Variants in CNST observed in about 807,000 individuals in gnomAD.
CNST encodes the protein consortin.
CNST carries 39 observed loss-of-function variants against 72.4 expected under a neutral mutation model. That is an observed-to-expected ratio of 0.54 (90% CI 0.42 to 0.70). The LOEUF (loss-of-function observed/expected upper bound fraction) is 0.70. CNST is among the 30% of genes least tolerant of loss of function. CNST has a pLI of 0.00. For synonymous variants in CNST, 332 were observed against 320.1 expected, an observed-to-expected ratio of 1.04 and a Z score of -0.40; for missense variants, 871 against 868.5, an observed-to-expected ratio of 1.00 and a Z score of -0.04.
rs528853229 is a variant in CNST, at chr1:246,577,473, G to A, written c.-52+10810G>A. Among the ~76,000 whole-genome samples the A allele has an allele frequency of 5.8e-4, 88 of 152,130 alleles. 1 individual carries two copies. The highest frequency in any genetic ancestry group is 4.7e-4 in the Non-Finnish European group (32 of 68,020). ...TCTTCACTTGTGCTTGGAATTTGAG[G>A]TTACTCTACTGTTGTTCAGACTTTA... On this transcript the variant is annotated intron_variant, in intron 1 of 10. Coordinates refer to ENST00000366513, the MANE Select transcript of CNST (RefSeq NM_152609.3).
At chr1:246,566,777 C>T (rs577563358) in intron 1 of CNST, 114 bp downstream of exon 1, 55 of 398,508 alleles carry the variant, frequency 1.4e-4, no homozygotes, top group East Asian at 1.3e-3. Context: ...GCCGCGCAGC[C>T]TCTGCCCTCC....
chr1:246,619,154 G>GA (rs397983629), intron 2 of CNST, among the ~76,000 whole-genome samples: 50,224 of 145,102 alleles, frequency 0.35, 8,661 homozygotes, highest in South Asian at 0.57. Flanking sequence ...AGAGAAAAGG[G>GA]AAAAAAAAAA....
At chr1:246,593,106 G>GT (rs918279023) in intron 2 of CNST, among the ~76,000 whole-genome samples, 7 of 151,904 alleles carry the variant, frequency 4.6e-5, no homozygotes, top group Non-Finnish European at 8.8e-5. Context: ...TGTCTATATC[G>GT]TATTTTTTAT....
chr1:246,585,747 T>C (rs995055818), intron 1 of CNST, among the ~76,000 whole-genome samples: 1 of 148,668 alleles, frequency 6.7e-6, no homozygotes, highest in Non-Finnish European at 1.5e-5. Context: ...ATATGATTTA[T>C]GAACAGATAT....
At chr1:246,585,291 C>T (rs1661061170) in intron 1 of CNST, among the ~76,000 whole-genome samples, 1 of 152,114 alleles carries the variant, frequency 6.6e-6, no homozygotes, top group African/African-American at 2.4e-5. Context: ...AGGGGTTTGT[C>T]TGAAATGAGC....
intron 9 of CNST, among the ~76,000 whole-genome samples, chr1:246,650,865 A>C (rs900449940): frequency 2.0e-5 from 3 of 152,004 alleles, no homozygotes; most frequent in Non-Finnish European, 2.9e-5. Context: ...TTTAGTAGAG[A>C]TGGGGTTTCA....
At chr1:246,658,932 C>T (rs1236487889) in intron 9 of CNST, among the ~76,000 whole-genome samples, 2 of 152,230 alleles carry the variant, frequency 1.3e-5, no homozygotes, top group Non-Finnish European at 2.9e-5. Flanking sequence ...TTCCTTCTTC[C>T]TGCACCTTGG....
At chr1:246,592,638 C>T (rs2103027157) in intron 2 of CNST, among the ~76,000 whole-genome samples, 1 of 152,274 alleles carries the variant, frequency 6.6e-6, no homozygotes, top group East Asian at 1.9e-4. Context: ...TCTGTCATTC[C>T]TGTGGCTTTG....
rs1476970456 is a variant in CNST, at chr1:246,647,832, C to G, written c.1631C>G (p.Thr544Arg). Reference protein sequence around the residue: ...GDKDDQLNKETEDYLNSLLEG... With the variant: ...GDKDDQLNKEREDYLNSLLEG... ...AAAGACGACCAACTCAACAAAGAAA[C>G]AGAAGACTATTTGAACAGCCTTTTA... Residue 544 changes from threonine to arginine, a missense_variant, in exon 9 of 11, where the codon ACA (threonine) becomes AGA (arginine). Thr to Arg is a moderately conservative substitution (Grantham distance 71). Transcript: ENST00000366513. 1 of 1,614,140 alleles carries G rather than the reference C, an allele frequency of 6.2e-7. No homozygotes were observed. Among genetic ancestry groups the G allele is most frequent in the South Asian group, 1.1e-5 (1 of 91,080 alleles).
intron 3 of CNST, among the ~76,000 whole-genome samples, chr1:246,625,041 T>C (rs1291707696): frequency 1.3e-5 from 2 of 152,206 alleles, no homozygotes; most frequent in Non-Finnish European, 2.9e-5. Context: ...ACTTCACCCC[T>C]AAATATTTGT....
chr1:246,638,113 T>G (rs1665419138), intron 6 of CNST, among the ~76,000 whole-genome samples: 1 of 152,172 alleles, frequency 6.6e-6, no homozygotes, highest in Non-Finnish European at 1.5e-5. Flanking sequence ...AAGAGAGGTT[T>G]GTAGCCGACA....
At chr1:246,602,469 G>A (rs746814920) in intron 2 of CNST, among the ~76,000 whole-genome samples, 15 of 152,134 alleles carry the variant, frequency 9.9e-5, no homozygotes, top group African/African-American at 3.4e-4. Flanking sequence ...TCAGACCCTC[G>A]CCACATGGCC....
chr1:246,630,967 A>C (rs186253254), intron 3 of CNST, among the ~76,000 whole-genome samples: 1 of 152,160 alleles, frequency 6.6e-6, no homozygotes, highest in East Asian at 1.9e-4. Context: ...GCTGGTCTTG[A>C]ACCCTTGACC....
chr1:246,599,949 G>A (rs747561164), intron 2 of CNST, among the ~76,000 whole-genome samples: 26 of 152,192 alleles, frequency 1.7e-4, no homozygotes, highest in Non-Finnish European at 2.8e-4. Context: ...AGGGAGCCAC[G>A]TAACTAACAA....
chr1:246,647,098 T>G, intron 8 of CNST, 41 bp from the exon 9 acceptor site: 1 of 1,549,832 alleles, frequency 6.5e-7, no homozygotes, highest in Non-Finnish European at 8.8e-7. Flanking sequence ...ATACAAAGTG[T>G]TGTTTTGAAT....
rs1307355121 is a variant in CNST, at chr1:246,566,598, C to T, written c.-117C>T. The T allele has an allele frequency of 5.0e-6, 2 of 403,680 alleles. No homozygotes were observed. Among genetic ancestry groups the T allele is most frequent in the Non-Finnish European group, 8.8e-6 (2 of 228,328 alleles). 25.0% of individuals were successfully genotyped at this position (403,680 alleles called of 1,614,324 possible). A position where few individuals can be genotyped will look rare whatever the true frequency, so the allele number is the denominator to read the frequency against. ...CGTGACAGCACGTCGGCCGCCATGT[C>T]GCCGAGTGGGGCTGGAAACAGACCC... On this transcript the variant is annotated 5_prime_UTR_variant, in exon 1 of 11. Transcript: ENST00000366513.
At chr1:246,653,308 C>T (rs1023141226) in intron 9 of CNST, among the ~76,000 whole-genome samples, 7 of 152,190 alleles carry the variant, frequency 4.6e-5, no homozygotes, top group African/African-American at 7.2e-5. Flanking sequence ...AGTTACTTTA[C>T]GACTAGCTGC....
At chr1:246,659,130 G>T (rs1320126969) in intron 9 of CNST, among the ~76,000 whole-genome samples, 2 of 152,160 alleles carry the variant, frequency 1.3e-5, no homozygotes, top group Non-Finnish European at 2.9e-5. Context: ...AATATTTTAG[G>T]CTCTATGATC....
intron 1 of CNST, 89 bp downstream of exon 1, chr1:246,566,752 C>A (rs1237487855): frequency 5.0e-6 from 2 of 399,252 alleles, no homozygotes; most frequent in Non-Finnish European, 8.8e-6. Flanking sequence ...CCTCCCCCTG[C>A]GCTGTCCTCC....
Sources: gnomAD v4.1 joint callset for allele counts (sites outside exome capture counted in the v4.1 genomes callset) on GRCh38, gnomAD v4.1.1 for gene constraint, MANE v1.5 for transcripts, NCBI Gene and HGNC (gene_info 2026-07-23, HGNC 2026-07-21) for gene names.